Variants in PIGQ observed in about 807,000 individuals in gnomAD.
PIGQ encodes phosphatidylinositol glycan anchor biosynthesis class Q.
In PIGQ, 54 loss-of-function variants were observed where a neutral mutation model predicts 60.3. The observed-to-expected ratio is 0.90, with a 90% confidence interval of 0.72 to 1.12. The LOEUF (loss-of-function observed/expected upper bound fraction) is 1.12. Ranked by LOEUF, PIGQ falls within the 50% of genes most tolerant of loss-of-function variation. PIGQ has a pLI of 0.00. For synonymous variants in PIGQ, 416 were observed against 363.7 expected, an observed-to-expected ratio of 1.14 and a Z score of -1.64; for missense variants, 799 against 793.5, an observed-to-expected ratio of 1.01 and a Z score of -0.08.
At chr16:576,006 C>T (rs761186033) in intron 3 of PIGQ, 36 bp downstream of exon 3, 37 of 1,561,786 alleles carry the variant, frequency 2.4e-5, no homozygotes, top group African/African-American at 4.1e-5. Context: ...GGGCTGGGTG[C>T]GTGCCCTCTG....
chr16:574,373 G>T lies in PIGQ; in HGVS notation c.299G>T (p.Arg100Ile). 1 of 1,610,472 alleles carries T rather than the reference G, an allele frequency of 6.2e-7. No homozygotes were observed. The highest frequency in any genetic ancestry group is 8.5e-7 in the Non-Finnish European group (1 of 1,179,400). ...CCCTGGCTGCGGCTGTGCCGGGAGA[G>T]AGGCGGCACGTTCTGGAGCTGCGAG... The part of the protein sequence containing the change: ...HEPWLRLCRE[R>I]GGTFWSCEAT... Residue 100 changes from arginine to isoleucine, a missense_variant, in exon 2 of 11, where the codon AGA becomes ATA. Transcript: ENST00000321878.
intron 7 of PIGQ, chr16:579,518 C>T (rs1449846792): frequency 1.7e-5 from 1 of 59,374 alleles, no homozygotes; most frequent in African/African-American, 9.0e-5. Context: ...GCCCCGGGCC[C>T]GGAGACTAGA....
At chr16:575,053 G>A (rs1406397031) in intron 2 of PIGQ, among the ~76,000 whole-genome samples, 1 of 152,218 alleles carries the variant, frequency 6.6e-6, no homozygotes, top group African/African-American at 2.4e-5. Flanking sequence ...CCCTGAAAGA[G>A]AAATCAGAAG....
chr16:579,229 G>A (rs991888619), intron 7 of PIGQ, 49 bp downstream of exon 7: 6 of 1,475,898 alleles, frequency 4.1e-6, no homozygotes, highest in Non-Finnish European at 5.7e-6. Context: ...TCCGGCCTGT[G>A]CCCGCTGGGC....
At chr16:582,444 G>T in intron 10 of PIGQ, 135 bp downstream of exon 10, 1 of 666,376 alleles carries the variant, frequency 1.5e-6, no homozygotes, top group Non-Finnish European at 2.5e-6. Flanking sequence ...TGGAGCTGAG[G>T]GGGAAGGCCC....
At chr16:575,800 C>T in intron 2 of PIGQ, 39 bp from the exon 3 acceptor site, 1 of 1,542,216 alleles carries the variant, frequency 6.5e-7, no homozygotes, top group South Asian at 1.2e-5. Context: ...GGAGGAGGAT[C>T]TGGAGAGGGA....
chr16:575,049 AAG>A (rs1165571888), intron 2 of PIGQ, among the ~76,000 whole-genome samples: 9 of 152,150 alleles, frequency 5.9e-5, no homozygotes, highest in African/African-American at 2.2e-4. Context: ...AGGTCCCTGA[AAG>A]AGAAATCAGA....
chr16:576,546 G>A (rs2035722648), intron 4 of PIGQ: 1 of 559,264 alleles, frequency 1.8e-6, no homozygotes, highest in African/African-American at 1.9e-5. Context: ...CAGCGTCCTG[G>A]TATCTCCCTT....
chr16:581,367 A>G, intron 9 of PIGQ: 1 of 1,188,182 alleles, frequency 8.4e-7, no homozygotes, highest in Non-Finnish European at 1.1e-6. Flanking sequence ...GCTGTGCCGG[A>G]AAACCCCGTC....
chr16:578,987 C>CTCCG, intron 6 of PIGQ, 49 bp downstream of exon 6: 6 of 1,284,404 alleles, frequency 4.7e-6, no homozygotes, highest in Non-Finnish European at 6.0e-6. Context: ...GGTGCAGAGG[C>CTCCG]TCCGGCTGGG....
chr16:572,443 G>C, intron 1 of PIGQ: 1 of 447,000 alleles, frequency 2.2e-6, no homozygotes, highest in South Asian at 1.6e-5. Context: ...GCTGCACCAG[G>C]GGCCTCTTAA....
At chr16:579,224 C>T in intron 7 of PIGQ, 44 bp downstream of exon 7, 1 of 1,514,070 alleles carries the variant, frequency 6.6e-7, no homozygotes, top group Non-Finnish European at 9.2e-7. Flanking sequence ...CTGCCTCCGG[C>T]CTGTGCCCGC....
At position 574,663 on chromosome 16, in the gene PIGQ, G is replaced by T; in HGVS notation, c.589G>T (p.Glu197Ter). ...RLSHWQSEGVEASILAELARR... is the reference protein window; with the variant it reads ...RLSHWQSEGV Reference sequence around the variant, plus strand: ...GAGCCACTGGCAGTCGGAGGGCGTGGAGGCCAGCATCCTCGCGGAGCTGGC... The same window carrying T: ...GAGCCACTGGCAGTCGGAGGGCGTGTAGGCCAGCATCCTCGCGGAGCTGGC... The change falls in exon 2 of 11, where the codon GAG becomes TAG. Residue 197 changes from glutamate to a stop codon, truncating the protein, a stop_gained. Coordinates refer to ENST00000321878, the MANE Select transcript of PIGQ (RefSeq NM_004204.5). LOFTEE classifies it high-confidence loss of function. The T allele has an allele frequency of 6.2e-7, 1 of 1,608,028 alleles. No individual in the cohort carries two copies.
chr16:572,924 G>C (rs956901226), intron 1 of PIGQ, among the ~76,000 whole-genome samples: 3 of 152,242 alleles, frequency 2.0e-5, no homozygotes, highest in Non-Finnish European at 4.4e-5. Context: ...AGCGTGGGGG[G>C]TCTCTGCTCA....
Position 574,338 on chromosome 16 carries a change from C to T in PIGQ, c.264C>T (p.Phe88=). Reference sequence around the variant, plus strand: ...TCCTGGAGAGCCTGGGTGCTGTCTTCCCCCATGAGCCCTGGCTGCGGCTGT... The same window carrying T: ...TCCTGGAGAGCCTGGGTGCTGTCTTTCCCCATGAGCCCTGGCTGCGGCTGT... ...GRFLESLGAV[F]PHEPWLRLCR... Residue 88 remains phenylalanine, a synonymous_variant, in exon 2 of 11, where the codon TTC becomes TTT. Coordinates refer to ENST00000321878, the MANE Select transcript of PIGQ (RefSeq NM_004204.5). 1.9e-6 allele frequency: 3 copies of T among 1,608,574 alleles called. No homozygotes were observed. The highest frequency in any genetic ancestry group is 2.5e-6 in the Non-Finnish European group (3 of 1,179,378).
intron 4 of PIGQ, 35 bp from the exon 5 acceptor site, chr16:578,344 G>T (rs991373739): frequency 1.9e-6 from 3 of 1,589,452 alleles, no homozygotes; most frequent in Non-Finnish European, 2.6e-6. Flanking sequence ...GAGCCTGGCT[G>T]CCCCCGCCCC....
chr16:578,036 G>A (rs2035747707), intron 4 of PIGQ: 1 of 250,736 alleles, frequency 4.0e-6, no homozygotes, highest in Non-Finnish European at 7.9e-6. Flanking sequence ...GCCTCAGTGC[G>A]TCCACGTGTT....
Position 578,376 on chromosome 16 carries a change from C to A in PIGQ, c.943-3C>A. 1 of 1,608,042 alleles carries A rather than the reference C, an allele frequency of 6.2e-7. No homozygotes were observed. Among genetic ancestry groups the A allele is most frequent in the South Asian group, 1.1e-5 (1 of 90,880 alleles). ...CCCCAGCGTGGCCCCTGTGTCCCTG[C>A]AGCACGTGGCCGAGGAGCTCCAGCA... On this transcript the variant is annotated splice_polypyrimidine_tract_variant and splice_region_variant and intron_variant, in intron 4 of 10. Coordinates refer to ENST00000321878, the MANE Select transcript of PIGQ (RefSeq NM_004204.5).
chr16:579,323 G>A, intron 7 of PIGQ, 143 bp downstream of exon 7: 3 of 653,316 alleles, frequency 4.6e-6, no homozygotes, highest in Non-Finnish European at 5.4e-6. Flanking sequence ...GAATAGATAA[G>A]TCTGCGGTGT....
Sources: gnomAD v4.1 joint callset for allele counts (sites outside exome capture counted in the v4.1 genomes callset) on GRCh38, gnomAD v4.1.1 for gene constraint, MANE v1.5 for transcripts, NCBI Gene and HGNC (gene_info 2026-07-23, HGNC 2026-07-21) for gene names.